Variants in FBXL17 observed in about 807,000 individuals in gnomAD.
FBXL17 encodes the protein F-box and leucine rich repeat protein 17, also known as F-box/LRR-repeat protein 17.
In FBXL17, 22 loss-of-function variants were observed where a neutral mutation model predicts 66.2. The observed-to-expected ratio is 0.33, with a 90% CI of 0.24 to 0.47. The LOEUF is 0.47. Ranked by LOEUF, FBXL17 falls within the 20% of genes least tolerant of loss-of-function variation. The pLI is 1.00. For missense variants in FBXL17, 878 were observed against 948.2 expected, an observed-to-expected ratio of 0.93 and a Z score of 0.97; for synonymous variants, 474 against 400.5, an observed-to-expected ratio of 1.18 and a Z score of -2.19.
At chr5:107,976,838 T>A (rs921659428) in intron 7 of FBXL17, among the ~76,000 whole-genome samples, 1 of 152,160 alleles carries the variant, frequency 6.6e-6, no homozygotes, top group African/African-American at 2.4e-5. Flanking sequence ...AAGCTAGAGA[T>A]AAAAGATGGC....
In FBXL17 at chr5:108,299,652, AT is replaced by A. The variant is rs1424935877; in HGVS notation, c.1506+48746del. The A allele has an allele frequency of 4.5e-5, 44 of 977,072 alleles. No individual in the cohort carries two copies. In the African/African-American group the frequency reaches 7.0e-4, roughly 16 times the overall value. The allele number at this position is 977,072 out of a possible 1,614,324, so 60.5% of individuals were successfully genotyped here. A position where few individuals can be genotyped will look rare whatever the true frequency, so the allele number is the denominator to read the frequency against. The stretch of plus-strand genomic sequence containing the variant: ...AATGCAAAAAATAATAAAAATTAAA[AT>A]TAAAAAAAAAAAAGGCCAGCCTGCC... On this transcript the variant is annotated intron_variant, in intron 4 of 8. Transcript: ENST00000542267.
intron 6 of FBXL17, among the ~76,000 whole-genome samples, chr5:108,043,243 G>A (rs918330969): frequency 6.6e-6 from 1 of 152,048 alleles, no homozygotes; most frequent in East Asian, 1.9e-4. Flanking sequence ...AATCCAGTTT[G>A]TCAATTTTCC....
intron 5 of FBXL17, among the ~76,000 whole-genome samples, chr5:108,208,968 G>C (rs1470430943): frequency 6.6e-6 from 1 of 152,124 alleles, no homozygotes; most frequent in Non-Finnish European, 1.5e-5. Flanking sequence ...CCATTTGTTT[G>C]TGTCCTCTGT....
intron 6 of FBXL17, among the ~76,000 whole-genome samples, chr5:108,162,373 G>A (rs1350601290): frequency 1.3e-5 from 2 of 151,948 alleles, no homozygotes; most frequent in Non-Finnish European, 2.9e-5. Flanking sequence ...GTGTGCCCCT[G>A]TAGTCCCAGC....
Position 108,191,541 on chromosome 5 carries a change from A to G in FBXL17, c.1615-5294T>C, listed in dbSNP as rs188366776. 7.2e-5 allele frequency among the ~76,000 whole-genome samples: 11 copies of G among 152,364 alleles called. No homozygotes were observed. The East Asian group carries it at 2.1e-3, about 29-fold the overall frequency. ...CCAGTTCAGTCCTTCATCATAGGAA[A>G]GATAACTGAGTGTCAACAAGGCTGG... is the stretch of plus-strand genomic sequence containing the variant. On this transcript the variant is annotated intron_variant, in intron 5 of 8. Coordinates refer to ENST00000542267, the MANE Select transcript of FBXL17 (RefSeq NM_001163315.3).
chr5:108,185,102 C>A (rs1000814749), intron 6 of FBXL17, among the ~76,000 whole-genome samples: 1 of 151,926 alleles, frequency 6.6e-6, no homozygotes, highest in African/African-American at 2.4e-5. Context: ...AATCATTATT[C>A]GTAAGAAAAA....
intron 4 of FBXL17, among the ~76,000 whole-genome samples, chr5:108,334,409 C>G (rs927849130): frequency 6.6e-6 from 1 of 152,104 alleles, no homozygotes; most frequent in African/African-American, 2.4e-5. Flanking sequence ...TAATGACTTC[C>G]CCCTCATAGA....
intron 7 of FBXL17, among the ~76,000 whole-genome samples, chr5:107,914,199 C>T (rs1750050792): frequency 1.3e-5 from 2 of 152,062 alleles, no homozygotes; most frequent in South Asian, 4.2e-4. Flanking sequence ...AGAGTATAGT[C>T]AATTTAAGTG....
rs541995826 is a variant in FBXL17 at position 108,354,338 on chromosome 5, G to A, written c.1375-5808C>T. ...CTTTAATGGGAAAAGTAGGCAACAC[G>A]CAAGCACCAATAGGCACTATAAAAA... On this transcript the variant is annotated intron_variant, in intron 3 of 8. Transcript: ENST00000542267. Among the ~76,000 whole-genome samples, 53 of 152,112 alleles carry A rather than the reference G, an allele frequency of 3.5e-4. No individual in the cohort carries two copies. In the South Asian group the frequency reaches 9.8e-3, roughly 28 times the overall value.
chr5:108,205,314 G>C (rs1192943954), intron 5 of FBXL17, among the ~76,000 whole-genome samples: 2 of 151,948 alleles, frequency 1.3e-5, no homozygotes, highest in Admixed American at 6.6e-5. Context: ...CCCTAATACT[G>C]TGTCATTTTA....
chr5:108,087,008 T>C (rs1003059112), intron 6 of FBXL17, among the ~76,000 whole-genome samples: 7 of 152,098 alleles, frequency 4.6e-5, no homozygotes, highest in African/African-American at 1.7e-4. Context: ...GAGGCCGGCC[T>C]GCAGCAAGAG....
At chr5:108,154,616 T>TAC (rs768615062) in intron 6 of FBXL17, among the ~76,000 whole-genome samples, 3,576 of 96,130 alleles carry the variant, frequency 0.037, 150 homozygotes, top group Middle Eastern at 0.07. Context: ...AATATATATA[T>TAC]ACACACACAC....
At chr5:108,180,617 A>G (rs576127739) in intron 6 of FBXL17, among the ~76,000 whole-genome samples, 3 of 152,274 alleles carry the variant, frequency 2.0e-5, no homozygotes, top group East Asian at 3.9e-4. Context: ...AAGAAACTGG[A>G]TAACAGTCTA....
chr5:108,000,098 T>C (rs569207440), intron 7 of FBXL17, among the ~76,000 whole-genome samples: 1 of 152,212 alleles, frequency 6.6e-6, no homozygotes, highest in Non-Finnish European at 1.5e-5. Context: ...TGTTTTCTTA[T>C]CTGTAAAATG....
intron 7 of FBXL17, among the ~76,000 whole-genome samples, chr5:107,947,738 C>T (rs1751361805): frequency 6.6e-6 from 1 of 152,160 alleles, no homozygotes; most frequent in African/African-American, 2.4e-5. Context: ...GACTGAGGAT[C>T]TAGGGCTCCA....
intron 7 of FBXL17, among the ~76,000 whole-genome samples, chr5:107,947,936 G>C (rs531408033): frequency 7.7e-4 from 117 of 152,112 alleles, no homozygotes; most frequent in African/African-American, 2.7e-3. Context: ...ACAGAAGATG[G>C]GTTTAGACAC....
intron 7 of FBXL17, among the ~76,000 whole-genome samples, chr5:107,992,141 C>T (rs1176358976): frequency 1.3e-5 from 2 of 150,918 alleles, no homozygotes; most frequent in Non-Finnish European, 3.0e-5. Context: ...TAAATCTATA[C>T]AATTGGGGCA....
chr5:107,960,808 T>C (rs1486280571), intron 7 of FBXL17, among the ~76,000 whole-genome samples: 1 of 152,204 alleles, frequency 6.6e-6, no homozygotes, highest in Admixed American at 6.5e-5. Context: ...ACTGACTGCC[T>C]TTTCCTTCAT....
At chr5:108,359,819 T>C (rs1748228649) in intron 3 of FBXL17, among the ~76,000 whole-genome samples, 1 of 152,134 alleles carries the variant, frequency 6.6e-6, no homozygotes, top group African/African-American at 2.4e-5. Flanking sequence ...GGGTTCATGG[T>C]ACTGTTCATC....
Sources: allele counts gnomAD v4.1 joint callset (sites outside exome capture counted in the v4.1 genomes callset), GRCh38; gene constraint gnomAD v4.1.1; transcripts MANE v1.5; gene names NCBI Gene and HGNC (gene_info 2026-07-23, HGNC 2026-07-21).